FOXP2: variants seen among roughly 807,000 people sequenced by gnomAD.
FOXP2 encodes the protein forkhead box protein P2.
In FOXP2, 12 loss-of-function variants were observed where a neutral mutation model predicts 115.8. That is an observed-to-expected ratio of 0.10 (90% CI 0.07 to 0.17). FOXP2 has a LOEUF of 0.17. FOXP2 is among the 10% of genes least tolerant of loss of function. The pLI is 1.00. For synonymous variants in FOXP2, 328 were observed against 297.7 expected (o/e 1.10, Z -1.05); for missense variants, 629 against 843.5 (o/e 0.75, Z 3.15).
intron 7 of FOXP2, 139 bp from the exon 8 acceptor site, chr7:114,644,546 A>T (rs895243512): frequency 3.2e-5 from 23 of 709,140 alleles, no homozygotes; most frequent in Non-Finnish European, 5.9e-5. Context: ...CAATAGAACG[A>T]TTAAATTTTT....
At chr7:114,571,403 T>A (rs1801294636) in intron 3 of FOXP2, among the ~76,000 whole-genome samples, 1 of 151,886 alleles carries the variant, frequency 6.6e-6, no homozygotes, top group Non-Finnish European at 1.5e-5. Context: ...TCCTTGGAAA[T>A]GGATAGTAAT....
intron 1 of FOXP2, among the ~76,000 whole-genome samples, chr7:114,130,699 A>T (rs751825778): frequency 6.6e-6 from 1 of 152,240 alleles, no homozygotes; most frequent in Non-Finnish European, 1.5e-5. Flanking sequence ...CTGTAGAAGT[A>T]AAAATATTAA....
At chr7:114,293,230 A>C (rs928857574) in intron 2 of FOXP2, among the ~76,000 whole-genome samples, 3 of 152,092 alleles carry the variant, frequency 2.0e-5, no homozygotes, top group Admixed American at 2.0e-4. Flanking sequence ...GTTATGCATG[A>C]TATTAAGACA....
intron 1 of FOXP2, among the ~76,000 whole-genome samples, chr7:114,102,834 T>G (rs570578647): frequency 2.5e-4 from 38 of 152,018 alleles, no homozygotes; most frequent in Non-Finnish European, 5.1e-4. Context: ...GAGCTTAACA[T>G]TAACATGGAC....
At chr7:114,194,363 A>G (rs1158613855) in intron 1 of FOXP2, among the ~76,000 whole-genome samples, 2 of 151,218 alleles carry the variant, frequency 1.3e-5, no homozygotes, top group East Asian at 1.9e-4. Context: ...TTTACCCTTT[A>G]TCTTTCTCTC....
chr7:114,327,052 C>T (rs2129182263), intron 2 of FOXP2, among the ~76,000 whole-genome samples: 1 of 152,256 alleles, frequency 6.6e-6, no homozygotes, highest in East Asian at 1.9e-4. Context: ...AATTCACTTC[C>T]TCTAGGAAGC....
chr7:114,256,953 T>A (rs936931477), intron 1 of FOXP2, among the ~76,000 whole-genome samples: 1 of 152,164 alleles, frequency 6.6e-6, no homozygotes, highest in African/African-American at 2.4e-5. Context: ...TATGTTAAAA[T>A]TCATATGGAA....
chr7:114,269,448 C>T (rs1031664279), intron 1 of FOXP2, among the ~76,000 whole-genome samples: 3 of 152,000 alleles, frequency 2.0e-5, no homozygotes, highest in Non-Finnish European at 4.4e-5. Context: ...GTTTTTGAGA[C>T]ACAGTCTTGC....
chr7:114,118,886 G>A (rs1791483066), intron 1 of FOXP2, among the ~76,000 whole-genome samples: 1 of 152,084 alleles, frequency 6.6e-6, no homozygotes, highest in Admixed American at 6.6e-5. Context: ...GCTTTCCAGA[G>A]GAGAACCCTG....
intron 2 of FOXP2, among the ~76,000 whole-genome samples, chr7:114,294,163 C>T (rs1382844775): frequency 1.3e-5 from 2 of 152,170 alleles, no homozygotes; most frequent in Non-Finnish European, 2.9e-5. Flanking sequence ...GATTTTGCAA[C>T]ATGCAGAAGC....
chr7:114,487,107 C>A (rs1015545379), intron 2 of FOXP2, among the ~76,000 whole-genome samples: 1 of 152,172 alleles, frequency 6.6e-6, no homozygotes, highest in African/African-American at 2.4e-5. Context: ...TCCATGAGGA[C>A]CTCAACCCTA....
At chr7:114,560,008 A>G (rs922397453) in intron 3 of FOXP2, among the ~76,000 whole-genome samples, 3 of 152,314 alleles carry the variant, frequency 2.0e-5, no homozygotes, top group African/African-American at 7.2e-5. Flanking sequence ...TACCTATGGT[A>G]TCTGCATTGG....
chr7:114,395,711 A>C (rs1400772143), intron 2 of FOXP2, among the ~76,000 whole-genome samples: 2 of 152,046 alleles, frequency 1.3e-5, no homozygotes, highest in African/African-American at 4.8e-5. Context: ...ATTTCTGTGA[A>C]AATCATATAG....
At chr7:114,488,335 G>T (rs1041252577) in intron 2 of FOXP2, among the ~76,000 whole-genome samples, 42 of 152,178 alleles carry the variant, frequency 2.8e-4, no homozygotes, top group Non-Finnish European at 8.8e-5. Flanking sequence ...TGAGATTTGG[G>T]TGGAGACACA....
At chr7:114,448,668 A>G (rs889779582) in intron 2 of FOXP2, among the ~76,000 whole-genome samples, 1 of 152,140 alleles carries the variant, frequency 6.6e-6, no homozygotes, top group African/African-American at 2.4e-5. Flanking sequence ...TAGATAAGAA[A>G]TGGCCATTTG....
At chr7:114,257,478 G>A (rs1481677798) in intron 1 of FOXP2, among the ~76,000 whole-genome samples, 1 of 137,222 alleles carries the variant, frequency 7.3e-6, no homozygotes, top group African/African-American at 2.9e-5. Flanking sequence ...TTTTGAGATG[G>A]AGTCTTGCTC....
intron 1 of FOXP2, among the ~76,000 whole-genome samples, chr7:114,098,021 A>T (rs557836744): frequency 6.6e-6 from 1 of 152,364 alleles, no homozygotes; most frequent in East Asian, 1.9e-4. Flanking sequence ...ATCTTTGTCA[A>T]GCAGTCTTTG....
intron 1 of FOXP2, among the ~76,000 whole-genome samples, chr7:114,152,652 G>A (rs879788644): frequency 2.0e-5 from 3 of 152,170 alleles, no homozygotes; most frequent in Non-Finnish European, 4.4e-5. Context: ...TGTGATTTCT[G>A]TTGTGTAGTC....
In FOXP2 at chr7:114,663,472, A is replaced by G; in HGVS notation, c.1792A>G (p.Ile598Val). ...ITGSPTLVKN[I>V]PTSLGYGAAL... Reference sequence around the variant, plus strand: ...CAGAAGTCCAACCTTAGTAAAAAATATACCTACCAGTTTAGGCTATGGAGC... The same window carrying G: ...CAGAAGTCCAACCTTAGTAAAAAATGTACCTACCAGTTTAGGCTATGGAGC... Residue 598 changes from isoleucine (I) to valine (V), a missense_variant, in exon 15 of 17, where the codon ATA (isoleucine) becomes GTA (valine). Physicochemically the swap from Ile to Val is conservative, Grantham distance 29. Coordinates refer to ENST00000350908, the MANE Select transcript of FOXP2 (RefSeq NM_014491.4). The G allele has an allele frequency of 6.2e-7, 1 of 1,611,032 alleles. No homozygotes were observed. The highest frequency in any genetic ancestry group is 1.7e-4 in the Middle Eastern group (1 of 6,028).
Sources: gnomAD v4.1 joint callset for allele counts (sites outside exome capture counted in the v4.1 genomes callset) on GRCh38, gnomAD v4.1.1 for gene constraint, MANE v1.5 for transcripts, NCBI Gene and HGNC (gene_info 2026-07-23, HGNC 2026-07-21) for gene names.